The following USP31 variants were observed in gnomAD, a reference collection of about 807,000 sequenced individuals.
USP31 encodes ubiquitin specific peptidase 31.
In USP31, 44 loss-of-function variants were observed where a neutral mutation model predicts 119.4. The observed-to-expected ratio is 0.37, with a 90% CI of 0.29 to 0.47. The LOEUF is 0.47. Among genes scored for constraint, USP31 ranks in the 20% least tolerant of loss-of-function variants. USP31 has a pLI of 0.99. For synonymous variants in USP31, 749 were observed against 705.6 expected, an observed-to-expected ratio of 1.06 and a Z score of -0.97; for missense variants, 1,643 against 1,730.2, an observed-to-expected ratio of 0.95 and a Z score of 0.89.
chr16:23,090,724 C>T lies in USP31; in HGVS notation c.1315G>A (p.Ala439Thr). The T allele has an allele frequency of 4.3e-6, 7 of 1,614,076 alleles. No homozygotes were observed. The highest frequency in any genetic ancestry group is 5.9e-6 in the Non-Finnish European group (7 of 1,179,966). ...HRLSSPTQTA[A>T]KQGKMDSPTS... ...GGAGAATCCATTTTCCCCTGCTTTG[C>T]TGCTGTTTGTGTAGGAGAAGACAGT... is the stretch of plus-strand genomic sequence containing the variant. The change falls in exon 7 of 16, where the codon GCA becomes ACA. Residue 439 changes from alanine to threonine, a missense_variant. By Grantham distance (58) the Ala-to-Thr change is moderately conservative (BLOSUM62 0). Around this residue, in one of 5 missense-constraint regions of USP31, gnomAD observed 219 missense variants for 226.4 expected, o/e 0.97. Transcript: ENST00000219689.
chr16:23,094,228 G>A (rs755632159), intron 6 of USP31, among the ~76,000 whole-genome samples: 6 of 152,134 alleles, frequency 3.9e-5, no homozygotes, highest in Non-Finnish European at 7.3e-5. Context: ...CCATGCCCAC[G>A]GAGTCTTGCT....
intron 2 of USP31, 149 bp from the exon 3 acceptor site, chr16:23,106,636 C>T (rs1902118832): frequency 1.3e-6 from 1 of 769,136 alleles, no homozygotes; most frequent in Admixed American, 2.8e-5. Context: ...GCTAAAGGAG[C>T]CAGAACACAG....
In USP31 at chr16:23,094,824, A is replaced by G. The variant is rs144802832; in HGVS notation, c.1235-4020T>C. ...AATAGCACCAACATCAACAAAAATG[A>G]CATCTACACCAAAACCCCATCTGTA... On this transcript the variant is annotated intron_variant, in intron 6 of 15. Transcript: ENST00000219689. Among the ~76,000 whole-genome samples the G allele has an allele frequency of 9.7e-4, 148 of 152,326 alleles. 1 individual carries two copies. The highest frequency in any genetic ancestry group is 3.3e-3 in the African/African-American group (137 of 41,574).
At chr16:23,128,347 G>A (rs1452742564) in intron 1 of USP31, among the ~76,000 whole-genome samples, 2 of 152,112 alleles carry the variant, frequency 1.3e-5, no homozygotes, top group South Asian at 2.1e-4. Flanking sequence ...GTCTCAAAAC[G>A]ACTTGAGAGT....
At chr16:23,101,884 A>G (rs1901882044) in intron 6 of USP31, among the ~76,000 whole-genome samples, 1 of 149,690 alleles carries the variant, frequency 6.7e-6, no homozygotes, top group Non-Finnish European at 1.5e-5. Flanking sequence ...ATCAATGAAG[A>G]GTTACATGCA....
chr16:23,133,912 A>T (rs1324508263), intron 1 of USP31, among the ~76,000 whole-genome samples: 1 of 152,038 alleles, frequency 6.6e-6, no homozygotes, highest in Non-Finnish European at 1.5e-5. Context: ...CCATCTCTAC[A>T]AAAAAATAAC....
At position 23,068,541 on chromosome 16, in the gene USP31, C is replaced by T; in HGVS notation, c.3564G>A (p.Glu1188=). 2 of 1,613,976 alleles carry T rather than the reference C, an allele frequency of 1.2e-6. No individual in the cohort carries two copies. Among genetic ancestry groups the T allele is most frequent in the Non-Finnish European group, 1.7e-6 (2 of 1,179,958 alleles). ...SPRVSQARAG[E]GRGAGKHVRS... ...GCACGTGCTTCCCGGCCCCCCTGCC[C>T]TCCCCTGCTCGGGCCTGGCTCACCC... is the stretch of plus-strand genomic sequence containing the variant. The change falls in exon 16 of 16, where the codon GAG becomes GAA. Residue 1188 remains glutamate (E), a synonymous_variant. Coordinates refer to ENST00000219689, the MANE Select transcript of USP31 (RefSeq NM_020718.4).
intron 4 of USP31, 149 bp downstream of exon 4, chr16:23,106,064 T>C: frequency 1.1e-6 from 1 of 928,376 alleles, no homozygotes; most frequent in Non-Finnish European, 1.6e-6. Flanking sequence ...AGGGCATTTA[T>C]TCTTGTAAGG....
At chr16:23,134,089 T>TCTCA (rs1435847121) in intron 1 of USP31, among the ~76,000 whole-genome samples, 98 of 146,442 alleles carry the variant, frequency 6.7e-4, no homozygotes, top group African/African-American at 1.2e-3. Context: ...TCTCTCTCTC[T>TCTCA]CACACACACA....
At chr16:23,128,559 T>C (rs1019272288) in intron 1 of USP31, among the ~76,000 whole-genome samples, 12 of 152,238 alleles carry the variant, frequency 7.9e-5, no homozygotes, top group Non-Finnish European at 1.6e-4. Flanking sequence ...TATCTAGCCT[T>C]TCTTCTGAAA....
chr16:23,136,004 A>G (rs1471535782), intron 1 of USP31, among the ~76,000 whole-genome samples: 1 of 152,234 alleles, frequency 6.6e-6, no homozygotes, highest in East Asian at 1.9e-4. Flanking sequence ...AAACGGACAT[A>G]TAAATCAATG....
rs554468199 is a variant in USP31, at chr16:23,145,805, T to C, written c.633+2833A>G. Among the ~76,000 whole-genome samples the C allele has an allele frequency of 3.0e-4, 45 of 152,338 alleles. 1 individual carries two copies. The highest frequency in any genetic ancestry group is 2.1e-3 in the South Asian group (10 of 4,828). On this transcript the variant is annotated intron_variant, in intron 1 of 15. Coordinates refer to ENST00000219689, the MANE Select transcript of USP31 (RefSeq NM_020718.4). Reference sequence around the variant, plus strand: ...CCAATTGCCAATTGCAACGTTTTCATTGCTTAAGGCACTATCATTAGGGAT... The same window carrying C: ...CCAATTGCCAATTGCAACGTTTTCACTGCTTAAGGCACTATCATTAGGGAT...
At chr16:23,088,789 T>C (rs531539326) in intron 7 of USP31, among the ~76,000 whole-genome samples, 3 of 152,364 alleles carry the variant, frequency 2.0e-5, no homozygotes, top group South Asian at 2.1e-4. Context: ...TGTGAGTTAT[T>C]TGATAGCAAG....
intron 1 of USP31, among the ~76,000 whole-genome samples, chr16:23,119,393 C>T (rs536884756): frequency 7.9e-5 from 12 of 152,246 alleles, no homozygotes; most frequent in African/African-American, 2.6e-4. Context: ...CCACCGTGCC[C>T]GGCCAATTAC....
rs1314706200 is a variant in USP31, at chr16:23,066,507, T to C, written c.*1539A>G. The C allele has an allele frequency of 6.6e-6, 1 of 152,192 alleles. No homozygotes were observed. The highest frequency in any genetic ancestry group is 2.4e-5 in the African/African-American group (1 of 41,428). The allele number at this position is 152,192 out of a possible 1,614,324, so 9.4% of individuals were successfully genotyped here. ...AGCAATACTGAAAAGGGAGGTTATA[T>C]ATGGATCTGTGCACCAAGGGTTCAA... is the stretch of plus-strand genomic sequence containing the variant. On this transcript the variant is annotated 3_prime_UTR_variant, in exon 16 of 16. Coordinates refer to ENST00000219689, the MANE Select transcript of USP31 (RefSeq NM_020718.4).
intron 13 of USP31, among the ~76,000 whole-genome samples, chr16:23,076,344 C>T (rs187444317): frequency 4.0e-5 from 6 of 150,494 alleles, no homozygotes; most frequent in East Asian, 1.9e-4. Context: ...TTCAACAATG[C>T]GAAGAATATT....
intron 7 of USP31, 75 bp downstream of exon 7, chr16:23,090,549 C>A: frequency 7.2e-7 from 1 of 1,391,812 alleles, no homozygotes; most frequent in South Asian, 1.9e-5. Flanking sequence ...ACTTTTTGCC[C>A]ATGCTTTTTA....
In USP31 at chr16:23,149,303, GC is replaced by G. The variant is rs1165322504; in HGVS notation, c.-34del. ...GCCGCAGACACTCATCACCGCGCCC[GC>G]CCGCCCGGCCCGCGGCCCCGCCACG... On this transcript the variant is annotated 5_prime_UTR_variant, in exon 1 of 16. An upstream open reading frame in the 5' UTR loses its in-frame stop. Transcript: ENST00000219689. 3.9e-6 allele frequency: 4 copies of G among 1,031,548 alleles called. No homozygotes were observed. The highest frequency in any genetic ancestry group is 4.6e-6 in the Non-Finnish European group (4 of 861,668). 63.9% of individuals were successfully genotyped at this position (1,031,548 alleles called of 1,614,324 possible).
intron 13 of USP31, among the ~76,000 whole-genome samples, chr16:23,078,039 C>T (rs560922754): frequency 3.9e-5 from 6 of 152,170 alleles, no homozygotes; most frequent in African/African-American, 7.2e-5. Context: ...ATAGGCCGGG[C>T]GCAGTGGCTC....
Sources: gnomAD v4.1 joint callset for allele counts (sites outside exome capture counted in the v4.1 genomes callset) on GRCh38, gnomAD v4.1.1 for gene constraint, gnomAD v4.1.1 regional missense constraint, MANE v1.5 for transcripts, NCBI Gene and HGNC (gene_info 2026-07-23, HGNC 2026-07-21) for gene names.